The following TBC1D22A variants were observed in gnomAD, a reference collection of about 807,000 sequenced individuals.
TBC1D22A encodes TBC1 domain family member 22A, also known as putative GTPase activator.
TBC1D22A carries 38 observed loss-of-function variants against 60.2 expected under a neutral mutation model. The ratio of observed to expected loss-of-function variants is 0.63; its 90% CI spans 0.49 to 0.83. The LOEUF is 0.83. Ranked by LOEUF, TBC1D22A falls within the 40% of genes least tolerant of loss-of-function variation. The probability of loss-of-function intolerance (pLI) is 0.00; values close to 1 mark genes in which losing one functional copy is unlikely to be tolerated. For missense variants in TBC1D22A, 628 were observed against 701.0 expected (o/e 0.90, Z 1.18); for synonymous variants, 302 against 281.7 (o/e 1.07, Z -0.72).
intron 12 of TBC1D22A, among the ~76,000 whole-genome samples, chr22:47,140,107 T>G (rs2067023221): frequency 6.6e-6 from 1 of 152,210 alleles, no homozygotes; most frequent in African/African-American, 2.4e-5. Context: ...TGATTTCTCC[T>G]CATTGGGAGC....
intron 11 of TBC1D22A, among the ~76,000 whole-genome samples, chr22:47,074,094 A>G (rs527537252): frequency 7.0e-4 from 106 of 152,338 alleles, no homozygotes; most frequent in African/African-American, 2.4e-3. Flanking sequence ...GGTGACAGTG[A>G]GACCCAGTCT....
At chr22:47,078,692 G>T (rs976237523) in intron 11 of TBC1D22A, among the ~76,000 whole-genome samples, 1 of 152,008 alleles carries the variant, frequency 6.6e-6, no homozygotes, top group Admixed American at 6.5e-5. Context: ...ACCCTTTTTT[G>T]CTGATCATCC....
intron 7 of TBC1D22A, among the ~76,000 whole-genome samples, chr22:46,900,867 T>C (rs1465472829): frequency 6.6e-6 from 1 of 152,206 alleles, no homozygotes; most frequent in African/African-American, 2.4e-5. Context: ...TGTACTAATC[T>C]TATTGGGGAA....
At position 46,997,673 on chromosome 22, in the gene TBC1D22A, G is replaced by C; in HGVS notation, c.1165G>C (p.Val389Leu). 1 of 1,614,054 alleles carries C rather than the reference G, an allele frequency of 6.2e-7. No homozygotes were observed. Among genetic ancestry groups the C allele is most frequent in the Non-Finnish European group, 8.5e-7 (1 of 1,180,026 alleles). The change falls in exon 10 of 13, where the codon GTG becomes CTG. Residue 389 changes from valine to leucine, a missense_variant. Val to Leu is a conservative substitution (Grantham distance 32). Transcript: ENST00000337137. ...TGCCCAACCTGGGATTCAAATGAAA[G>C]TGAAAATGTTAGAAGAACTCGTGAG... is the stretch of plus-strand genomic sequence containing the variant. Reference protein sequence around the residue: ...TFAQPGIQMKVKMLEELVSRI... With the variant: ...TFAQPGIQMKLKMLEELVSRI...
At chr22:46,954,818 T>TA (rs1415256428) in intron 8 of TBC1D22A, among the ~76,000 whole-genome samples, 1 of 152,234 alleles carries the variant, frequency 6.6e-6, no homozygotes, top group Non-Finnish European at 1.5e-5. Flanking sequence ...TTCAAAATGT[T>TA]ACAGGCAAGT....
chr22:46,912,835 G>T (rs1179699154), intron 8 of TBC1D22A, among the ~76,000 whole-genome samples: 2 of 152,176 alleles, frequency 1.3e-5, no homozygotes, highest in Non-Finnish European at 2.9e-5. Context: ...GATTATAGAC[G>T]TGAGCTACCA....
intron 4 of TBC1D22A, among the ~76,000 whole-genome samples, chr22:46,874,699 A>C (rs1328374567): frequency 6.8e-6 from 1 of 147,740 alleles, no homozygotes; most frequent in Non-Finnish European, 1.5e-5. Context: ...TTAGCCTCCC[A>C]AGTAGCTGGG....
chr22:46,973,755 A>G (rs961014989), intron 8 of TBC1D22A, among the ~76,000 whole-genome samples: 9 of 152,220 alleles, frequency 5.9e-5, no homozygotes, highest in African/African-American at 2.2e-4. Context: ...TACTTTAAGA[A>G]GGAAATTATT....
At chr22:47,136,169 C>G (rs1451757378) in intron 12 of TBC1D22A, among the ~76,000 whole-genome samples, 1 of 152,246 alleles carries the variant, frequency 6.6e-6, no homozygotes, top group East Asian at 1.9e-4. Flanking sequence ...ACCACGTCCC[C>G]TGAGGCCTCC....
At chr22:46,953,234 A>C (rs2073013828) in intron 8 of TBC1D22A, among the ~76,000 whole-genome samples, 1 of 152,196 alleles carries the variant, frequency 6.6e-6, no homozygotes, top group African/African-American at 2.4e-5. Flanking sequence ...AGTCAATATT[A>C]CATTATATGT....
intron 12 of TBC1D22A, among the ~76,000 whole-genome samples, chr22:47,156,943 C>T (rs1219141608): frequency 6.6e-6 from 1 of 152,202 alleles, no homozygotes; most frequent in Non-Finnish European, 1.5e-5. Context: ...TGGAGGCTTC[C>T]AAGGCACCGG....
At position 46,793,784 on chromosome 22, in the gene TBC1D22A, A is replaced by G. The variant is rs749281882; in HGVS notation, c.403A>G (p.Ser135Gly). Residue 135 changes from serine to glycine, a missense_variant, in exon 3 of 13, where the codon AGC (serine) becomes GGC (glycine). Physicochemically the swap from Ser to Gly is moderately conservative, Grantham distance 56. Transcript: ENST00000337137. The stretch of plus-strand genomic sequence containing the variant: ...CGAGGCAGAGCCGCCCTCACCCCCC[A>G]GCGGCGACCTCCGGCTGGTGAAGTC... ...RPEAEPPSPP[S>G]GDLRLVKSVS... is the part of the protein sequence containing the mutation. 44 of 1,601,080 alleles carry G rather than the reference A, an allele frequency of 2.7e-5. No individual in the cohort carries two copies. In the South Asian group the frequency reaches 4.8e-4, roughly 17 times the overall value.
intron 12 of TBC1D22A, among the ~76,000 whole-genome samples, chr22:47,113,484 G>A (rs2065922390): frequency 6.6e-6 from 1 of 152,170 alleles, no homozygotes; most frequent in Non-Finnish European, 1.5e-5. Flanking sequence ...TCAGGCCCAT[G>A]CTAACAACAG....
At chr22:46,810,631 C>T (rs2085340293) in intron 4 of TBC1D22A, among the ~76,000 whole-genome samples, 1 of 152,212 alleles carries the variant, frequency 6.6e-6, no homozygotes, top group African/African-American at 2.4e-5. Context: ...TTGTGGTGGA[C>T]AGTTCAGCGG....
intron 7 of TBC1D22A, among the ~76,000 whole-genome samples, chr22:46,909,083 G>A (rs1170524450): frequency 1.3e-5 from 2 of 152,206 alleles, no homozygotes; most frequent in Non-Finnish European, 2.9e-5. Context: ...CTCCCTGGGT[G>A]AAGTTGGGTA....
rs145918702 is a variant in TBC1D22A at position 46,793,798 on chromosome 22, G to A, written c.417G>A (p.Arg139=). The change falls in exon 3 of 13, where the codon CGG becomes CGA. Residue 139 remains arginine, a synonymous_variant. Transcript: ENST00000337137. ...CCTCACCCCCCAGCGGCGACCTCCG[G>A]CTGGTGAAGTCGGTCAGTGAGAGCC... The part of the protein sequence containing the change: ...EPPSPPSGDL[R]LVKSVSESHT... The A allele has an allele frequency of 2.5e-6, 4 of 1,597,628 alleles. No individual in the cohort carries two copies. The highest frequency in any genetic ancestry group is 4.5e-5 in the East Asian group (2 of 44,086).
At chr22:47,157,053 G>A (rs1361883405) in intron 12 of TBC1D22A, among the ~76,000 whole-genome samples, 6 of 152,230 alleles carry the variant, frequency 3.9e-5, no homozygotes, top group Non-Finnish European at 8.8e-5. Flanking sequence ...CCAGGCACTG[G>A]GTGCCCCCGG....
chr22:47,122,965 C>A (rs949391178), intron 12 of TBC1D22A, among the ~76,000 whole-genome samples: 1 of 152,202 alleles, frequency 6.6e-6, no homozygotes, highest in Non-Finnish European at 1.5e-5. Context: ...AGATCAATGG[C>A]AGCTTTAGAA....
At chr22:47,068,120 AC>A (rs1310209446) in intron 11 of TBC1D22A, among the ~76,000 whole-genome samples, 1 of 152,216 alleles carries the variant, frequency 6.6e-6, no homozygotes, top group Non-Finnish European at 1.5e-5. Context: ...GTGTCTAGTC[AC>A]CTGGCTTGTT....
Sources: gnomAD v4.1 joint callset for allele counts (sites outside exome capture counted in the v4.1 genomes callset) on GRCh38, gnomAD v4.1.1 for gene constraint, MANE v1.5 for transcripts, NCBI Gene and HGNC (gene_info 2026-07-23, HGNC 2026-07-21) for gene names.